Variants in SH3BGR observed in about 807,000 individuals in gnomAD.
The protein encoded by SH3BGR is SH3 domain-binding glutamic acid-rich protein.
SH3BGR carries 29 observed loss-of-function variants against 24.5 expected under a neutral mutation model. The observed-to-expected ratio is 1.18, with a 90% confidence interval of 0.88 to 1.61. The LOEUF is 1.61. SH3BGR is among the 40% of genes most tolerant of loss of function. The pLI is 0.00. For missense variants in SH3BGR, 162 were observed against 205.8 expected (o/e 0.79, Z 1.30); for synonymous variants, 55 against 65.7 (o/e 0.84, Z 0.79).
At chr21:39,510,427 G>A (rs1260539616) in intron 5 of SH3BGR, among the ~76,000 whole-genome samples, 1 of 81,000 alleles carries the variant, frequency 1.2e-5, no homozygotes, top group Non-Finnish European at 2.6e-5. Flanking sequence ...ACACACTGTA[G>A]CTACACACAC....
At chr21:39,458,049 A>G (rs2077692192) in intron 1 of SH3BGR, among the ~76,000 whole-genome samples, 1 of 152,354 alleles carries the variant, frequency 6.6e-6, no homozygotes, top group South Asian at 2.1e-4. Context: ...TTTGGTTTAC[A>G]TGTCTCTAAG....
chr21:39,498,881 G>GC (rs1159609299), intron 3 of SH3BGR, among the ~76,000 whole-genome samples: 1 of 152,152 alleles, frequency 6.6e-6, no homozygotes, highest in Non-Finnish European at 1.5e-5. Flanking sequence ...ATAAAGAACT[G>GC]CCCAAGACTG....
chr21:39,465,694 G>A (rs1227495411), intron 2 of SH3BGR, among the ~76,000 whole-genome samples: 1 of 152,070 alleles, frequency 6.6e-6, no homozygotes, highest in East Asian at 1.9e-4. Flanking sequence ...GAGCTCAAGC[G>A]ATCCTCCTGT....
chr21:39,467,489 T>TA (rs2077863733), intron 2 of SH3BGR, among the ~76,000 whole-genome samples: 1 of 152,166 alleles, frequency 6.6e-6, no homozygotes, highest in Non-Finnish European at 1.5e-5. Context: ...TGGACACACT[T>TA]ACAAAAGTAT....
At chr21:39,472,297 G>T (rs973558923) in intron 2 of SH3BGR, among the ~76,000 whole-genome samples, 9 of 152,096 alleles carry the variant, frequency 5.9e-5, no homozygotes, top group African/African-American at 2.2e-4. Context: ...ATGGCTGAAG[G>T]TATCCCAGGA....
At position 39,509,594 on chromosome 21, in the gene SH3BGR, C is replaced by T. The variant is rs531116692; in HGVS notation, c.435+567C>T. Among the ~76,000 whole-genome samples, 263 of 151,094 alleles carry T rather than the reference C, an allele frequency of 1.7e-3. 1 individual carries two copies. Among genetic ancestry groups the T allele is most frequent in the African/African-American group, 5.9e-3 (244 of 41,152 alleles). On this transcript the variant is annotated intron_variant, in intron 5 of 6. Coordinates refer to ENST00000333634, the MANE Select transcript of SH3BGR (RefSeq NM_007341.3). ...GGTTCAAGCGATTCTCCTGCCTCAG[C>T]CTTCTGAGTAGCTGGAATTACAGGC...
chr21:39,493,299 G>A (rs1400886219), intron 3 of SH3BGR, among the ~76,000 whole-genome samples: 1 of 152,170 alleles, frequency 6.6e-6, no homozygotes, highest in Admixed American at 6.5e-5. Context: ...TTTGTATAAG[G>A]TGAGAGATGA....
chr21:39,473,784 C>G (rs1255358096), intron 2 of SH3BGR, among the ~76,000 whole-genome samples: 3 of 151,494 alleles, frequency 2.0e-5, no homozygotes, highest in African/African-American at 7.3e-5. Context: ...ACTCAGGAGG[C>G]TGAGGCAGGA....
At chr21:39,463,212 A>G (rs1461275047) in intron 2 of SH3BGR, among the ~76,000 whole-genome samples, 1 of 152,226 alleles carries the variant, frequency 6.6e-6, no homozygotes, top group Non-Finnish European at 1.5e-5. Context: ...ATTGATTTGT[A>G]GAAATAAAGT....
intron 3 of SH3BGR, among the ~76,000 whole-genome samples, chr21:39,495,924 A>T (rs909668992): frequency 2.0e-5 from 3 of 152,236 alleles, no homozygotes; most frequent in Non-Finnish European, 4.4e-5. Flanking sequence ...GCACCTATAA[A>T]TGCCAAGAAG....
chr21:39,495,824 G>C (rs202122965), intron 3 of SH3BGR, among the ~76,000 whole-genome samples: 1 of 152,200 alleles, frequency 6.6e-6, no homozygotes, highest in East Asian at 1.9e-4. Flanking sequence ...ATTCAGAAGT[G>C]AATTAAAGAT....
chr21:39,494,914 A>T (rs895561049), intron 3 of SH3BGR, among the ~76,000 whole-genome samples: 2 of 151,654 alleles, frequency 1.3e-5, no homozygotes, highest in Admixed American at 6.6e-5. Flanking sequence ...TTTGATCTTC[A>T]TATTGGATAA....
upstream of SH3BGR, among the ~76,000 whole-genome samples, chr21:39,450,162 GA>G: frequency 6.6e-6 from 1 of 152,032 alleles, no homozygotes; most frequent in Middle Eastern, 3.2e-3. Context: ...ATAATTGTAT[GA>G]AAAAATAATA....
chr21:39,457,968 CCAAA>C (rs939515411), intron 1 of SH3BGR, among the ~76,000 whole-genome samples: 4 of 151,868 alleles, frequency 2.6e-5, no homozygotes, highest in African/African-American at 9.7e-5. Context: ...ACAAAAAACC[CCAAA>C]CAAAGAAACA....
chr21:39,468,241 T>A (rs1326574564), intron 2 of SH3BGR, among the ~76,000 whole-genome samples: 2 of 152,226 alleles, frequency 1.3e-5, no homozygotes, highest in Non-Finnish European at 2.9e-5. Flanking sequence ...TCGATGTTAC[T>A]GAACAAACTA....
In SH3BGR at chr21:39,511,843, A is replaced by T. The variant is rs1278595996; in HGVS notation, c.*34+34A>T. The T allele has an allele frequency of 5.1e-6, 8 of 1,576,852 alleles. No individual in the cohort carries two copies. The highest frequency in any genetic ancestry group is 2.6e-6 in the Non-Finnish European group (3 of 1,165,268). Reference sequence around the variant, plus strand: ...AGGATTCTGGGGTGGAAAAGCTGCTAGTTACCGTACTGTATGCTATCTGCG... The same window carrying T: ...AGGATTCTGGGGTGGAAAAGCTGCTTGTTACCGTACTGTATGCTATCTGCG... On this transcript the variant is annotated intron_variant, in intron 6 of 6. Transcript: ENST00000333634. The surrounding 1 kb of genome is among the most constrained non-coding windows in gnomAD (Gnocchi z 4.2).
In SH3BGR at chr21:39,511,733, A is replaced by G; in HGVS notation, c.489A>G (p.Glu163=). 1 of 1,565,782 alleles carries G rather than the reference A, an allele frequency of 6.4e-7. No individual in the cohort carries two copies. The highest frequency in any genetic ancestry group is 8.6e-7 in the Non-Finnish European group (1 of 1,158,348). The part of the protein sequence containing the change: ...GAEGEAEEEE[E]TAEGEEPGED... ...AAGGGGAAGCCGAGGAGGAGGAAGA[A>G]ACTGCAGAAGGAGAAGAGCCTGGAG... Residue 163 remains glutamate (E), a synonymous_variant, in exon 6 of 7, where the codon GAA becomes GAG. Coordinates refer to ENST00000333634, the MANE Select transcript of SH3BGR (RefSeq NM_007341.3). This position sits in a 1 kb window ranked among gnomAD's most constrained non-coding sequence, Gnocchi z 4.2.
chr21:39,512,772 A>AG (rs1263948572), intron 6 of SH3BGR, among the ~76,000 whole-genome samples: 3 of 152,202 alleles, frequency 2.0e-5, no homozygotes, highest in Admixed American at 1.3e-4. Flanking sequence ...AGCCTGGGTG[A>AG]CAGAGCAAGA....
At chr21:39,510,362 A>C in intron 5 of SH3BGR, among the ~76,000 whole-genome samples, 1 of 113,344 alleles carries the variant, frequency 8.8e-6, no homozygotes, top group Non-Finnish European at 1.9e-5. Context: ...CACTGTAGCT[A>C]CATACACACA....
Sources: allele counts gnomAD v4.1 joint callset (sites outside exome capture counted in the v4.1 genomes callset), GRCh38; gene constraint gnomAD v4.1.1; non-coding constraint Gnocchi (gnomAD v3.1); transcripts MANE v1.5; gene names NCBI Gene and HGNC (gene_info 2026-07-23, HGNC 2026-07-21).